The following TEFM variants were observed in gnomAD, a reference collection of about 807,000 sequenced individuals.
TEFM encodes transcription elongation factor, mitochondrial.
In TEFM, 14 loss-of-function variants were observed where a neutral mutation model predicts 23.0. The ratio of observed to expected loss-of-function variants is 0.61; its 90% confidence interval spans 0.40 to 0.95. The LOEUF is 0.95. Among genes scored for constraint, TEFM ranks in the 40% least tolerant of loss-of-function variants. TEFM has a pLI of 0.00. For missense variants in TEFM, 386 were observed against 425.5 expected, an observed-to-expected ratio of 0.91 and a Z score of 0.82; for synonymous variants, 155 against 158.3, an observed-to-expected ratio of 0.98 and a Z score of 0.16.
At chr17:30,903,164 T>A (rs1239746530) in intron 2 of TEFM, among the ~76,000 whole-genome samples, 6 of 142,276 alleles carry the variant, frequency 4.2e-5, no homozygotes, top group African/African-American at 1.3e-4. Flanking sequence ...AAAAATTGGC[T>A]GTGTCAAATA....
Position 30,899,325 on chromosome 17 carries a change from CA to C in TEFM, c.926del (p.Leu309ArgfsTer14). The stretch of plus-strand genomic sequence containing the variant: ...GGAAGAACACCCGAGGATCCGCCTT[CA>C]GTATAGAATCGAAGAGAAACTGCTT... Reference protein sequence around the residue: ...LVKQFLFDSILKADPRVFFPS... With the variant: ...LVKQFLFDSIXKADPRVFFPS... On this transcript the variant is annotated frameshift_variant, in exon 4 of 4. Coordinates refer to ENST00000581216, the MANE Select transcript of TEFM (RefSeq NM_024683.4). LOFTEE classifies it low-confidence loss of function (END_TRUNC). 1 of 1,614,218 alleles carries C rather than the reference CA, an allele frequency of 6.2e-7. No individual in the cohort carries two copies. The highest frequency in any genetic ancestry group is 8.5e-7 in the Non-Finnish European group (1 of 1,180,036).
chr17:30,900,828 G>A (rs1196561627), intron 2 of TEFM, among the ~76,000 whole-genome samples: 2 of 151,200 alleles, frequency 1.3e-5, no homozygotes, highest in South Asian at 2.1e-4. Flanking sequence ...GGATAGTCTC[G>A]ATCTCCTGAT....
chr17:30,900,741 A>G (rs1567705643), intron 2 of TEFM, among the ~76,000 whole-genome samples, 179 bp from the exon 3 acceptor site: 2 of 151,424 alleles, frequency 1.3e-5, no homozygotes, highest in Non-Finnish European at 2.9e-5. Flanking sequence ...AGCTGGGACT[A>G]CAGGCGCCCG....
rs1180934957 is a variant in TEFM, at chr17:30,904,473, T to C, written c.88A>G (p.Asn30Asp). The C allele has an allele frequency of 6.2e-7, 1 of 1,614,134 alleles. No homozygotes were observed. The highest frequency in any genetic ancestry group is 8.5e-7 in the Non-Finnish European group (1 of 1,180,026). Residue 30 changes from asparagine (N) to aspartate (D), a missense_variant, in exon 2 of 4, where the codon AAT (asparagine) becomes GAT (aspartate). By Grantham distance (23) the Asn-to-Asp change is conservative. Transcript: ENST00000581216. ...GTGGATTTTTTCCGACAGCAGAAAT[T>C]ATGTAAGGCCCAGTACAGGGATGAC... ...SRSSLYWALHNFCCRKKSTTP... is the reference protein window; with the variant it reads ...SRSSLYWALHDFCCRKKSTTP...
chr17:30,904,739 G>A (rs1230547647), intron 1 of TEFM, among the ~76,000 whole-genome samples: 1 of 151,098 alleles, frequency 6.6e-6, no homozygotes, highest in Admixed American at 6.6e-5. Flanking sequence ...GAGTGCAGTG[G>A]CCGATCTCGG....
intron 3 of TEFM, chr17:30,899,818 C>G (rs983992239): frequency 2.6e-6 from 1 of 386,370 alleles, no homozygotes; most frequent in African/African-American, 2.1e-5. Context: ...CTGTTTAGTC[C>G]TCCTAAGTAC....
At chr17:30,902,821 A>G (rs1188941648) in intron 2 of TEFM, among the ~76,000 whole-genome samples, 1 of 152,184 alleles carries the variant, frequency 6.6e-6, no homozygotes, top group African/African-American at 2.4e-5. Flanking sequence ...AATGTTACAC[A>G]GGACATGAGT....
chr17:30,904,673 A>G, intron 1 of TEFM, 144 bp from the exon 2 acceptor site: 1 of 601,772 alleles, frequency 1.7e-6, no homozygotes, highest in East Asian at 2.9e-5. Flanking sequence ...ATTGTCTTGG[A>G]GAATCATCTT....
chr17:30,900,149 G>C (rs1171678103), intron 3 of TEFM: 2 of 423,398 alleles, frequency 4.7e-6, no homozygotes, highest in Non-Finnish European at 8.3e-6. Context: ...ATAAATAAAA[G>C]AGTGATAATG....
At chr17:30,905,451 C>G (rs2142478087) in intron 1 of TEFM, among the ~76,000 whole-genome samples, 1 of 146,928 alleles carries the variant, frequency 6.8e-6, no homozygotes, top group East Asian at 2.0e-4. Flanking sequence ...GCCCGGAAGG[C>G]GGAGGTTGCG....
Position 30,899,551 on chromosome 17 carries a change from G to A in TEFM, c.701C>T (p.Thr234Ile), listed in dbSNP as rs745563428. The A allele has an allele frequency of 5.6e-6, 9 of 1,598,820 alleles. No homozygotes were observed. The highest frequency in any genetic ancestry group is 6.8e-6 in the Non-Finnish European group (8 of 1,171,328). The change falls in exon 4 of 4, where the codon ACA becomes ATA. Residue 234 changes from threonine to isoleucine, a missense_variant. Coordinates refer to ENST00000581216, the MANE Select transcript of TEFM (RefSeq NM_024683.4). ...AGATGAGTTCTGAATGGAAAGTCCT[G>A]TTTTTTCCAGAACATAGAAATCTGC... ...PKADFYVLEK[T>I]GLSIQNSSLF...
intron 2 of TEFM, 154 bp downstream of exon 2, chr17:30,903,912 T>G (rs1598009843): frequency 1.6e-6 from 1 of 622,066 alleles, no homozygotes; most frequent in East Asian, 2.8e-5. Flanking sequence ...GCCAATTTAC[T>G]ATCTGTACAT....
Position 30,906,199 on chromosome 17 carries a change from C to T in TEFM, c.-1G>A, listed in dbSNP as rs750596594. 3 of 1,614,162 alleles carry T rather than the reference C, an allele frequency of 1.9e-6. No individual in the cohort carries two copies. Among genetic ancestry groups the T allele is most frequent in the African/African-American group, 2.7e-5 (2 of 74,950 alleles). On this transcript the variant is annotated 5_prime_UTR_variant, in exon 1 of 4. Coordinates refer to ENST00000581216, the MANE Select transcript of TEFM (RefSeq NM_024683.4). ...CCGTGAAGAGGACAGACCCGCTCAT[C>T]TCCAAGTTGAATCAGTAGGTCCAGT...
intron 2 of TEFM, among the ~76,000 whole-genome samples, chr17:30,903,226 GGT>G (rs1491307682): frequency 1.4e-5 from 2 of 140,914 alleles, no homozygotes; most frequent in East Asian, 2.1e-4. Flanking sequence ...CTTTTAGAAT[GGT>G]GTTTTTTTTT....
At chr17:30,899,893 CAACTT>C (rs1427106006) in intron 3 of TEFM, 3 of 263,696 alleles carry the variant, frequency 1.1e-5, no homozygotes, top group Admixed American at 4.8e-5. Context: ...TAAGGTTAGA[CAACTT>C]AAAACTGTTT....
At position 30,899,187 on chromosome 17, in the gene TEFM, C is replaced by T. The variant is rs1391698628; in HGVS notation, c.1065G>A (p.Val355=). The stretch of plus-strand genomic sequence containing the variant: ...CAGAATTCTAAGGCTGAGAGTCAAA[C>T]ACTGCTAATTCATAGAAGGCAATAG... ...LQAIAFYELA[V]FDSQP Residue 355 remains valine (V), a synonymous_variant, in exon 4 of 4, where the codon GTG becomes GTA. Coordinates refer to ENST00000581216, the MANE Select transcript of TEFM (RefSeq NM_024683.4). The T allele has an allele frequency of 2.5e-6, 4 of 1,594,528 alleles. No individual in the cohort carries two copies. Among genetic ancestry groups the T allele is most frequent in the African/African-American group, 1.3e-5 (1 of 74,260 alleles).
chr17:30,900,672 AC>A (rs1236995945), intron 2 of TEFM, 110 bp from the exon 3 acceptor site: 13 of 898,254 alleles, frequency 1.4e-5, no homozygotes, highest in Non-Finnish European at 2.0e-5. Context: ...CGCGATCTCA[AC>A]TCACTACAAG....
At chr17:30,903,092 C>G (rs1047823188) in intron 2 of TEFM, among the ~76,000 whole-genome samples, 6 of 125,606 alleles carry the variant, frequency 4.8e-5, no homozygotes, top group African/African-American at 1.9e-4. Context: ...GTTGTGAGAT[C>G]ATGCCACTGT....
intron 1 of TEFM, among the ~76,000 whole-genome samples, chr17:30,905,717 C>T (rs1910156171): frequency 6.6e-6 from 1 of 152,132 alleles, no homozygotes; most frequent in African/African-American, 2.4e-5. Flanking sequence ...ATGAGAAACA[C>T]CATACAATGC....
Sources: allele counts gnomAD v4.1 joint callset (sites outside exome capture counted in the v4.1 genomes callset), GRCh38; gene constraint gnomAD v4.1.1; transcripts MANE v1.5; gene names NCBI Gene and HGNC (gene_info 2026-07-23, HGNC 2026-07-21).